The following NDUFA5 variants were observed in gnomAD, a reference collection of about 807,000 sequenced individuals.
NDUFA5 encodes the protein NADH:ubiquinone oxidoreductase subunit A5.
NDUFA5 carries 11 observed loss-of-function variants against 19.8 expected under a neutral mutation model. That is an observed-to-expected ratio of 0.56 (90% confidence interval 0.35 to 0.92). The LOEUF (loss-of-function observed/expected upper bound fraction) is 0.92, where lower values mean the gene tolerates loss of function less well. NDUFA5 is among the 40% of genes least tolerant of loss of function. NDUFA5 has a pLI of 0.01. For synonymous variants in NDUFA5, 47 were observed against 46.8 expected (o/e 1.00, Z -0.01); for missense variants, 109 against 134.2 (o/e 0.81, Z 0.93).
intron 2 of NDUFA5, 89 bp from the exon 3 acceptor site, chr7:123,550,675 A>C: frequency 1.3e-5 from 10 of 754,850 alleles, no homozygotes; most frequent in East Asian, 2.9e-5. Context: ...AACAAACAAA[A>C]CTCACATCTG....
chr7:123,558,595 CT>C (rs1423747004), upstream of NDUFA5, among the ~76,000 whole-genome samples: 2 of 152,100 alleles, frequency 1.3e-5, no homozygotes, highest in Non-Finnish European at 2.9e-5. Context: ...GCGTGGGTGA[CT>C]TTCTAAAAAG....
intron 4 of NDUFA5, among the ~76,000 whole-genome samples, chr7:123,544,482 G>A (rs1228346681): frequency 1.8e-4 from 19 of 107,686 alleles, no homozygotes; most frequent in African/African-American, 7.0e-4. Flanking sequence ...TGGGCAACAA[G>A]AGCAAAACTC....
chr7:123,594,835 G>A, the NDUFA5 span, among the ~76,000 whole-genome samples: 2 of 152,048 alleles, frequency 1.3e-5, no homozygotes, highest in Admixed American at 6.6e-5. Context: ...AGGCAGGGAC[G>A]TTTAAGCCTG....
chr7:123,546,339 C>CA (rs919545120), intron 3 of NDUFA5, among the ~76,000 whole-genome samples: 3 of 151,872 alleles, frequency 2.0e-5, no homozygotes, highest in Admixed American at 6.6e-5. Flanking sequence ...CAAAAACAGG[C>CA]AAAAAGAAGT....
At chr7:123,552,879 C>T (rs771261497) in intron 2 of NDUFA5, among the ~76,000 whole-genome samples, 1 of 152,172 alleles carries the variant, frequency 6.6e-6, no homozygotes, top group Non-Finnish European at 1.5e-5. Flanking sequence ...ACAGCACAAG[C>T]ACCATCCTTT....
the NDUFA5 span, among the ~76,000 whole-genome samples, chr7:123,595,269 TC>T: frequency 6.6e-6 from 1 of 152,164 alleles, no homozygotes; most frequent in Non-Finnish European, 1.5e-5. Context: ...ATGGCCCACC[TC>T]CCATCCCTAC....
the NDUFA5 span, among the ~76,000 whole-genome samples, chr7:123,583,165 A>G: frequency 6.6e-6 from 1 of 151,988 alleles, no homozygotes; most frequent in Admixed American, 6.6e-5. Context: ...CTGAGGCAAG[A>G]GGATTGCTTG....
intron 4 of NDUFA5, among the ~76,000 whole-genome samples, chr7:123,544,129 CACTT>C (rs2116056245): frequency 6.6e-6 from 1 of 152,232 alleles, no homozygotes; most frequent in South Asian, 2.1e-4. Flanking sequence ...ATTTATCAGA[CACTT>C]ATAAGATGAA....
At chr7:123,570,120 T>C in the NDUFA5 span, among the ~76,000 whole-genome samples, 1 of 148,328 alleles carries the variant, frequency 6.7e-6, no homozygotes, top group East Asian at 2.1e-4. Flanking sequence ...CTATAAGCTC[T>C]GCCTCCCGGG....
chr7:123,578,536 G>C, the NDUFA5 span, among the ~76,000 whole-genome samples: 19 of 152,050 alleles, frequency 1.2e-4, no homozygotes, highest in Admixed American at 9.8e-4. Flanking sequence ...TGCAAGCTCA[G>C]TTAATTTCAG....
upstream of NDUFA5, chr7:123,557,821 A>C: frequency 6.2e-7 from 1 of 1,614,106 alleles, no homozygotes; most frequent in Non-Finnish European, 8.5e-7. Context: ...TCGGTGACGC[A>C]CAACCCTTTG....
intron 2 of NDUFA5, among the ~76,000 whole-genome samples, chr7:123,551,808 AT>A (rs1562897030): frequency 6.6e-6 from 1 of 152,174 alleles, no homozygotes; most frequent in African/African-American, 2.4e-5. Context: ...ATCCTCTCCA[AT>A]TTAAATATAT....
At chr7:123,557,152 G>C (rs1047456788) in intron 2 of NDUFA5, 1 of 676,632 alleles carries the variant, frequency 1.5e-6, no homozygotes, top group African/African-American at 1.8e-5. Flanking sequence ...GCAAGCACAA[G>C]TGAAGCCATG....
chr7:123,585,792 C>T, the NDUFA5 span, among the ~76,000 whole-genome samples: 86 of 151,782 alleles, frequency 5.7e-4, no homozygotes, highest in Non-Finnish European at 8.3e-4. Context: ...ATGAATTCAA[C>T]GTTTTTAGAT....
At chr7:123,583,228 AAGATAAATAAAT>A in the NDUFA5 span, among the ~76,000 whole-genome samples, 1 of 151,978 alleles carries the variant, frequency 6.6e-6, no homozygotes, top group Admixed American at 6.6e-5. Context: ...TGTCTCTAAA[AAGATAAATAAAT>A]AGATAAATAA....
chr7:123,588,153 C>G, the NDUFA5 span, among the ~76,000 whole-genome samples: 1 of 151,714 alleles, frequency 6.6e-6, no homozygotes, highest in Non-Finnish European at 1.5e-5. Flanking sequence ...AGTGAAGGCA[C>G]TAGGTTTGGG....
chr7:123,557,211 C>T, intron 2 of NDUFA5, 193 bp downstream of exon 2: 1 of 808,564 alleles, frequency 1.2e-6, no homozygotes, highest in Non-Finnish European at 2.1e-6. Flanking sequence ...ATAAAGAGGT[C>T]ATGGCAAAAA....
At chr7:123,592,245 C>A in the NDUFA5 span, among the ~76,000 whole-genome samples, 1 of 152,180 alleles carries the variant, frequency 6.6e-6, no homozygotes, top group Non-Finnish European at 1.5e-5. Flanking sequence ...TTTCAAAAAA[C>A]CACCTCTTGG....
At chr7:123,597,314 G>A in the NDUFA5 span, among the ~76,000 whole-genome samples, 1 of 152,162 alleles carries the variant, frequency 6.6e-6, no homozygotes, top group Non-Finnish European at 1.5e-5. Context: ...CACAGTGTTT[G>A]TGTTCAAGGA....
Sources: allele counts gnomAD v4.1 joint callset (sites outside exome capture counted in the v4.1 genomes callset), GRCh38; gene constraint gnomAD v4.1.1; transcripts MANE v1.5; gene names NCBI Gene and HGNC (gene_info 2026-07-23, HGNC 2026-07-21).